Variants in SLC25A20 observed in about 807,000 individuals in gnomAD.
The protein encoded by SLC25A20 is mitochondrial carnitine/acylcarnitine carrier protein.
A neutral mutation model predicts 39.7 loss-of-function variants in SLC25A20; 29 were observed. The ratio of observed to expected loss-of-function variants is 0.73; its 90% CI spans 0.54 to 1.00. The LOEUF (loss-of-function observed/expected upper bound fraction) is 1.00. Ranked by LOEUF, SLC25A20 falls within the 50% of genes least tolerant of loss-of-function variation. The pLI is 0.00. For synonymous variants in SLC25A20, 103 were observed against 142.2 expected (o/e 0.72, Z 1.96); for missense variants, 333 against 379.9 (o/e 0.88, Z 1.03).
intron 2 of SLC25A20, among the ~76,000 whole-genome samples, chr3:48,886,154 G>C (rs570406136): frequency 6.6e-6 from 1 of 152,014 alleles, no homozygotes; most frequent in Non-Finnish European, 1.5e-5. Context: ...CAGAAGGAGG[G>C]GATAGGGAGA....
intron 3 of SLC25A20, among the ~76,000 whole-genome samples, chr3:48,880,620 C>T (rs1309237280): frequency 6.8e-6 from 1 of 146,406 alleles, no homozygotes; most frequent in Non-Finnish European, 1.5e-5. Context: ...GCTCTGTTGC[C>T]CAGGCTGGAG....
chr3:48,876,387 A>G lies in SLC25A20; in HGVS notation c.417+2971T>C, dbSNP rs1228521684. On this transcript the variant is annotated intron_variant, in intron 4 of 8. Coordinates refer to ENST00000319017, the MANE Select transcript of SLC25A20 (RefSeq NM_000387.6). Reference sequence around the variant, plus strand: ...AATCCAAAGACTTTACATACTGTACAATTCCATTCATATAACATTGTTTTT... The same window carrying G: ...AATCCAAAGACTTTACATACTGTACGATTCCATTCATATAACATTGTTTTT... Among the ~76,000 whole-genome samples the G allele has an allele frequency of 2.0e-5, 3 of 151,168 alleles. No individual in the cohort carries two copies. The East Asian group carries it at 5.8e-4, about 29-fold the overall frequency.
chr3:48,880,465 C>T (rs973322588), intron 3 of SLC25A20, among the ~76,000 whole-genome samples: 16 of 151,614 alleles, frequency 1.1e-4, no homozygotes, highest in South Asian at 2.1e-4. Flanking sequence ...TTAGTAGAGA[C>T]GGAGTTTCAC....
chr3:48,870,304 G>A (rs2083703977), intron 4 of SLC25A20, among the ~76,000 whole-genome samples: 2 of 152,172 alleles, frequency 1.3e-5, no homozygotes, highest in African/African-American at 4.8e-5. Flanking sequence ...GGGAGGATGA[G>A]GCAGGAGAGT....
chr3:48,868,512 T>C (rs1239596370), intron 4 of SLC25A20, among the ~76,000 whole-genome samples: 1 of 151,972 alleles, frequency 6.6e-6, no homozygotes, highest in African/African-American at 2.4e-5. Flanking sequence ...ATATGAAGGG[T>C]CTGAAAGTTT....
chr3:48,879,640 A>G (rs568482277), intron 3 of SLC25A20, among the ~76,000 whole-genome samples, 192 bp from the exon 4 acceptor site: 33 of 152,336 alleles, frequency 2.2e-4, no homozygotes, highest in African/African-American at 7.2e-4. Flanking sequence ...AATTTCCCAG[A>G]GCAAGGGTCT....
chr3:48,888,402 T>C (rs1249161821), intron 2 of SLC25A20, among the ~76,000 whole-genome samples: 1 of 148,814 alleles, frequency 6.7e-6, no homozygotes, highest in Non-Finnish European at 1.5e-5. Flanking sequence ...AAACCCCATT[T>C]CTACTAAAAA....
chr3:48,866,603 G>A (rs185842399), intron 4 of SLC25A20, among the ~76,000 whole-genome samples: 5 of 151,706 alleles, frequency 3.3e-5, no homozygotes, highest in Non-Finnish European at 2.9e-5. Context: ...CTTTTTCAAA[G>A]AGTTTTTGTG....
At chr3:48,876,770 C>T (rs1164915099) in intron 4 of SLC25A20, among the ~76,000 whole-genome samples, 3 of 151,746 alleles carry the variant, frequency 2.0e-5, no homozygotes, top group Non-Finnish European at 4.4e-5. Context: ...GAAATGATTA[C>T]ACTCTAAGGG....
At chr3:48,893,331 G>GT (rs1364597170) in intron 1 of SLC25A20, among the ~76,000 whole-genome samples, 1 of 151,992 alleles carries the variant, frequency 6.6e-6, no homozygotes, top group East Asian at 1.9e-4. Context: ...TAATGACACT[G>GT]AACAACTTCT....
chr3:48,863,441 G>T (rs1233900814), intron 4 of SLC25A20, among the ~76,000 whole-genome samples: 1 of 152,138 alleles, frequency 6.6e-6, no homozygotes, highest in Non-Finnish European at 1.5e-5. Flanking sequence ...CCTATGCAGA[G>T]CCAGAGGAGG....
intron 1 of SLC25A20, chr3:48,895,898 AG>A (rs2083906776): frequency 4.8e-6 from 2 of 417,314 alleles, no homozygotes; most frequent in African/African-American, 2.0e-5. Context: ...CCAGCACTTC[AG>A]GAGGCCAAGG....
intron 1 of SLC25A20, among the ~76,000 whole-genome samples, chr3:48,892,778 AG>A (rs1384692749): frequency 6.6e-6 from 1 of 152,192 alleles, no homozygotes; most frequent in African/African-American, 2.4e-5. Flanking sequence ...CACCCTCACA[AG>A]CACACTCAGA....
chr3:48,887,356 T>C (rs1467497635), intron 2 of SLC25A20, among the ~76,000 whole-genome samples: 1 of 152,128 alleles, frequency 6.6e-6, no homozygotes, highest in African/African-American at 2.4e-5. Context: ...TGCACAAATA[T>C]GGACTAAGGA....
At chr3:48,888,570 A>AAAATAAAT (rs35871910) in intron 2 of SLC25A20, among the ~76,000 whole-genome samples, 9,209 of 142,106 alleles carry the variant, frequency 0.065, 375 homozygotes, top group Non-Finnish European at 0.083. Flanking sequence ...CTCTTGTCTC[A>AAAATAAAT]AAATAAATAA....
At chr3:48,889,444 C>G (rs937517824) in intron 2 of SLC25A20, among the ~76,000 whole-genome samples, 1 of 152,022 alleles carries the variant, frequency 6.6e-6, no homozygotes, top group Admixed American at 6.6e-5. Flanking sequence ...ATGTCCCTGT[C>G]TAGGGGAACT....
chr3:48,865,913 G>C (rs575657704), intron 4 of SLC25A20, among the ~76,000 whole-genome samples: 15 of 149,812 alleles, frequency 1.0e-4, no homozygotes, highest in Non-Finnish European at 1.9e-4. Flanking sequence ...GGTGGATCAC[G>C]AGGTCAGGAG....
At chr3:48,864,799 G>A (rs1169836930) in intron 4 of SLC25A20, among the ~76,000 whole-genome samples, 4 of 152,172 alleles carry the variant, frequency 2.6e-5, no homozygotes, top group South Asian at 2.1e-4. Flanking sequence ...CCAGGACAGC[G>A]ATGAAGGTGG....
chr3:48,885,335 C>T (rs1478914713), intron 2 of SLC25A20, among the ~76,000 whole-genome samples: 1 of 151,820 alleles, frequency 6.6e-6, no homozygotes, highest in Non-Finnish European at 1.5e-5. Flanking sequence ...CAGACAAATA[C>T]ATACATAAAT....
Sources: gnomAD v4.1 joint callset for allele counts (sites outside exome capture counted in the v4.1 genomes callset) on GRCh38, gnomAD v4.1.1 for gene constraint, MANE v1.5 for transcripts, NCBI Gene and HGNC (gene_info 2026-07-23, HGNC 2026-07-21) for gene names.